Variants in AGMO observed in about 807,000 individuals in gnomAD.
AGMO encodes glyceryl-ether monooxygenase.
Under a neutral mutation model 60.2 loss-of-function variants are expected in AGMO, and 75 were observed. That is an observed-to-expected ratio of 1.25 (90% CI 1.03 to 1.51). The LOEUF (loss-of-function observed/expected upper bound fraction) is 1.51, where lower values mean the gene tolerates loss of function less well. Among genes scored for constraint, AGMO ranks in the 40% most tolerant of loss-of-function variants. AGMO has a pLI of 0.00. For missense variants in AGMO, 763 were observed against 525.5 expected (o/e 1.45, Z -4.42); for synonymous variants, 261 against 177.1 (o/e 1.47, Z -3.76).
At chr7:15,439,814 G>A (rs1007115839) in intron 3 of AGMO, among the ~76,000 whole-genome samples, 1 of 152,090 alleles carries the variant, frequency 6.6e-6, no homozygotes, top group African/African-American at 2.4e-5. Flanking sequence ...GTGATATAGT[G>A]TGAAACATGC....
At chr7:15,523,497 CA>C (rs1430521829) in intron 3 of AGMO, among the ~76,000 whole-genome samples, 1 of 152,112 alleles carries the variant, frequency 6.6e-6, no homozygotes, top group East Asian at 1.9e-4. Flanking sequence ...GAATACTATG[CA>C]GTCATAAAAA....
intron 12 of AGMO, among the ~76,000 whole-genome samples, chr7:15,329,786 A>AAACTT (rs1488102604): frequency 9.9e-5 from 15 of 152,158 alleles, no homozygotes; most frequent in Admixed American, 9.2e-4. Flanking sequence ...TCGGAATTCA[A>AAACTT]AACTCTCTCT....
chr7:15,450,462 A>C (rs1187941953), intron 3 of AGMO, among the ~76,000 whole-genome samples: 1 of 152,048 alleles, frequency 6.6e-6, no homozygotes, highest in African/African-American at 2.4e-5. Flanking sequence ...CAGTTAATTA[A>C]ATTTACTGAA....
the AGMO span, among the ~76,000 whole-genome samples, chr7:15,193,534 T>C: frequency 0.069 from 10,571 of 152,206 alleles, 1,172 homozygotes; most frequent in African/African-American, 0.23. Context: ...GAGTTAAATC[T>C]CACTTGAAGT....
chr7:15,140,437 A>G, the AGMO span, among the ~76,000 whole-genome samples: 1 of 152,134 alleles, frequency 6.6e-6, no homozygotes, highest in Admixed American at 6.5e-5. Context: ...TTCAATGGTA[A>G]TAGAAAATAT....
rs757855092 is a variant in AGMO, at chr7:15,385,452, A to G, written c.1068T>C (p.Asp356=). Reference sequence around the variant, plus strand: ...TAAAATGGATATTACTTACAGCTGTATCTGCAAAGGTCTCTTCATAAAATG... The same window carrying G: ...TAAAATGGATATTACTTACAGCTGTGTCTGCAAAGGTCTCTTCATAAAATG... The part of the protein sequence containing the change: ...MLAFYEETFA[D]TAALSQVTLL... The change falls in exon 10 of 13, where the codon GAT becomes GAC. Residue 356 remains aspartate (D), a synonymous_variant. Transcript: ENST00000342526. 1.3e-6 allele frequency: 2 copies of G among 1,571,142 alleles called. No homozygotes were observed. The highest frequency in any genetic ancestry group is 1.4e-5 in the African/African-American group (1 of 74,014).
At position 15,529,517 on chromosome 7, in the gene AGMO, G is replaced by T. The variant is rs574243361; in HGVS notation, c.409+15255C>A. On this transcript the variant is annotated intron_variant, in intron 3 of 12. Transcript: ENST00000342526. ...GATTCTAGTTCTTAGACTAGAATCTGTTCTTAGACTAGAATATATATATAT... is the reference window on the plus strand; with the variant it reads ...GATTCTAGTTCTTAGACTAGAATCTTTTCTTAGACTAGAATATATATATAT... Among the ~76,000 whole-genome samples, 9 of 106,226 alleles carry T rather than the reference G, an allele frequency of 8.5e-5. No individual in the cohort carries two copies. The Admixed American group carries it at 9.6e-4, about 11-fold the overall frequency. 69.7% of individuals were successfully genotyped at this position (106,226 alleles called of 152,430 possible). A position where few individuals can be genotyped will look rare whatever the true frequency, so the allele number is the denominator to read the frequency against.
At chr7:15,163,780 C>CT in the AGMO span, among the ~76,000 whole-genome samples, 73,661 of 150,324 alleles carry the variant, frequency 0.49, 18,232 homozygotes, top group East Asian at 0.73. Context: ...CTACAGTTTT[C>CT]TTTTTTTTTA....
the AGMO span, among the ~76,000 whole-genome samples, chr7:15,187,501 C>A: frequency 6.6e-6 from 1 of 152,312 alleles, no homozygotes; most frequent in Middle Eastern, 3.4e-3. Context: ...CCTTTCATCA[C>A]GTTAGTCATA....
In AGMO at chr7:15,387,551, TAA is replaced by T; in HGVS notation, c.823-13_823-12del. 1.9e-6 allele frequency: 3 copies of T among 1,586,198 alleles called. No individual in the cohort carries two copies. The highest frequency in any genetic ancestry group is 1.2e-5 in the South Asian group (1 of 86,334). ...AAATAAGTGATGGAACTAGAAACAA[TAA>T]AAAAAGAGCTTATTTCACATAAGAT... On this transcript the variant is annotated splice_polypyrimidine_tract_variant and intron_variant, in intron 8 of 12. Transcript: ENST00000342526.
At chr7:15,314,649 T>C (rs542025339) in intron 12 of AGMO, among the ~76,000 whole-genome samples, 55 of 152,244 alleles carry the variant, frequency 3.6e-4, no homozygotes, top group Admixed American at 3.6e-3. Flanking sequence ...TTCAAAAATA[T>C]ATAAAATAAT....
At chr7:15,453,074 G>A (rs774426260) in intron 3 of AGMO, among the ~76,000 whole-genome samples, 2 of 151,720 alleles carry the variant, frequency 1.3e-5, no homozygotes, top group South Asian at 2.1e-4. Flanking sequence ...GGGAGGGAGG[G>A]GAAATGGGAA....
chr7:15,125,460 G>A, the AGMO span, among the ~76,000 whole-genome samples: 9 of 152,084 alleles, frequency 5.9e-5, no homozygotes, highest in African/African-American at 1.9e-4. Flanking sequence ...AAATCATAGA[G>A]TAATAACTTT....
At chr7:15,339,036 C>G (rs1481652073) in intron 12 of AGMO, among the ~76,000 whole-genome samples, 1 of 152,150 alleles carries the variant, frequency 6.6e-6, no homozygotes, top group Non-Finnish European at 1.5e-5. Flanking sequence ...GAATCAGCAT[C>G]TTATAATTTC....
intron 12 of AGMO, among the ~76,000 whole-genome samples, chr7:15,271,586 T>C (rs1783612857): frequency 6.6e-6 from 1 of 152,202 alleles, no homozygotes; most frequent in African/African-American, 2.4e-5. Flanking sequence ...TGGGGTTTTC[T>C]AGGTATACAA....
intron 12 of AGMO, among the ~76,000 whole-genome samples, chr7:15,282,864 G>C (rs888520255): frequency 6.6e-6 from 1 of 152,128 alleles, no homozygotes; most frequent in African/African-American, 2.4e-5. Flanking sequence ...ACCTCTGAAG[G>C]AAAATCTATT....
intron 10 of AGMO, among the ~76,000 whole-genome samples, chr7:15,369,045 G>A (rs574368958): frequency 3.3e-5 from 5 of 152,142 alleles, no homozygotes; most frequent in East Asian, 3.9e-4. Context: ...TTCTGTTACT[G>A]AAGACAAAAA....
chr7:15,325,832 C>A (rs929187210), intron 12 of AGMO, among the ~76,000 whole-genome samples: 2 of 152,050 alleles, frequency 1.3e-5, no homozygotes, highest in Non-Finnish European at 2.9e-5. Flanking sequence ...TTTTATACAA[C>A]ATTTTACTAT....
At chr7:15,407,845 T>A (rs1490033110) in intron 5 of AGMO, among the ~76,000 whole-genome samples, 3 of 151,828 alleles carry the variant, frequency 2.0e-5, no homozygotes, top group Non-Finnish European at 4.4e-5. Context: ...CAGAGTGGCA[T>A]AAGAATTAAA....
Sources: gnomAD v4.1 joint callset for allele counts (sites outside exome capture counted in the v4.1 genomes callset) on GRCh38, gnomAD v4.1.1 for gene constraint, MANE v1.5 for transcripts, NCBI Gene and HGNC (gene_info 2026-07-23, HGNC 2026-07-21) for gene names.